Variants in ADAMTS3 observed in about 807,000 individuals in gnomAD.
ADAMTS3 encodes A disintegrin and metalloproteinase with thrombospondin motifs 3.
In ADAMTS3, 73 loss-of-function variants were observed where a neutral mutation model predicts 129.0. The observed-to-expected ratio is 0.57, with a 90% CI of 0.47 to 0.69. ADAMTS3 has a LOEUF of 0.69. ADAMTS3 is among the 30% of genes least tolerant of loss of function. The pLI is 0.00. For synonymous variants in ADAMTS3, 477 were observed against 510.8 expected (o/e 0.93, Z 0.89); for missense variants, 1,457 against 1,514.5 (o/e 0.96, Z 0.63).
chr4:72,477,736 A>C (rs1719282813), intron 3 of ADAMTS3, among the ~76,000 whole-genome samples: 1 of 152,146 alleles, frequency 6.6e-6, no homozygotes, highest in African/African-American at 2.4e-5. Flanking sequence ...CCCTTCAAAA[A>C]ATCAATGAAT....
chr4:72,368,196 A>G (rs1385519131), intron 4 of ADAMTS3, among the ~76,000 whole-genome samples: 2 of 152,224 alleles, frequency 1.3e-5, no homozygotes, highest in African/African-American at 4.8e-5. Flanking sequence ...GCTTTAATAA[A>G]TTACAAAATT....
chr4:72,395,256 T>C (rs573754110), intron 4 of ADAMTS3, among the ~76,000 whole-genome samples: 2 of 152,116 alleles, frequency 1.3e-5, no homozygotes, highest in Non-Finnish European at 2.9e-5. Flanking sequence ...CTAAAGAATA[T>C]CAAATAGTTT....
chr4:72,340,894 G>T (rs548636738), intron 4 of ADAMTS3, among the ~76,000 whole-genome samples: 1 of 152,228 alleles, frequency 6.6e-6, no homozygotes, highest in East Asian at 1.9e-4. Flanking sequence ...ATAGAACTCA[G>T]AAAGGATTTT....
chr4:72,298,943 A>C (rs1467202662), intron 17 of ADAMTS3, among the ~76,000 whole-genome samples: 3 of 151,974 alleles, frequency 2.0e-5, no homozygotes, highest in Non-Finnish European at 2.9e-5. Context: ...CCCTCCAGAA[A>C]ATATATACAT....
rs900577028 is a variant in ADAMTS3, at chr4:72,333,669, C to G, written c.861+5825G>C. Among the ~76,000 whole-genome samples the G allele has an allele frequency of 2.0e-5, 3 of 152,050 alleles. No individual in the cohort carries two copies. The South Asian group carries it at 6.2e-4, about 32-fold the overall frequency. On this transcript the variant is annotated intron_variant, in intron 5 of 21. Transcript: ENST00000286657. ...ACCTGAAAGATGCTTGCCTTCTTCTCCTAGCTCTGCCTGACTCCTTACACA... is the reference window on the plus strand; with the variant it reads ...ACCTGAAAGATGCTTGCCTTCTTCTGCTAGCTCTGCCTGACTCCTTACACA...
At chr4:72,567,722 A>T (rs770680955) in intron 1 of ADAMTS3, among the ~76,000 whole-genome samples, 8 of 152,262 alleles carry the variant, frequency 5.3e-5, no homozygotes, top group Non-Finnish European at 8.8e-5. Context: ...GTATGAATTT[A>T]ACAGGCCAAA....
At chr4:72,414,698 T>A (rs1344067334) in intron 4 of ADAMTS3, 117 bp downstream of exon 4, 4 of 779,128 alleles carry the variant, frequency 5.1e-6, no homozygotes, top group Non-Finnish European at 7.3e-6. Flanking sequence ...AACTTCTTTT[T>A]CTATCTCCGC....
chr4:72,360,650 G>T (rs540645692), intron 4 of ADAMTS3, among the ~76,000 whole-genome samples: 186 of 151,894 alleles, frequency 1.2e-3, no homozygotes, highest in Non-Finnish European at 2.4e-3. Flanking sequence ...ATACGAAAAG[G>T]TACTGCAACA....
At chr4:72,476,456 G>A (rs113606963) in intron 3 of ADAMTS3, among the ~76,000 whole-genome samples, 3 of 152,058 alleles carry the variant, frequency 2.0e-5, no homozygotes, top group African/African-American at 7.2e-5. Context: ...TAACCAATAA[G>A]GTAATTAAAT....
At position 72,306,120 on chromosome 4, in the gene ADAMTS3, A is replaced by G. The variant is rs1217510917; in HGVS notation, c.2180-53T>C. The G allele has an allele frequency of 2.1e-6, 3 of 1,412,176 alleles. No individual in the cohort carries two copies. The African/African-American group carries it at 4.4e-5, about 21-fold the overall frequency. 87.5% of individuals were successfully genotyped at this position (1,412,176 alleles called of 1,614,324 possible). The stretch of plus-strand genomic sequence containing the variant: ...AAGCAAAGAAGAAAACAAAAGCAAC[A>G]ACCATGGTTAGTTGAGCACTACATT... On this transcript the variant is annotated intron_variant, in intron 15 of 21. Coordinates refer to ENST00000286657, the MANE Select transcript of ADAMTS3 (RefSeq NM_014243.3).
chr4:72,436,299 T>C (rs376070972), intron 3 of ADAMTS3, among the ~76,000 whole-genome samples: 1 of 151,906 alleles, frequency 6.6e-6, no homozygotes, highest in African/African-American at 2.4e-5. Context: ...ATCAAAACCA[T>C]AATGAGATAC....
intron 4 of ADAMTS3, among the ~76,000 whole-genome samples, chr4:72,406,271 C>G (rs955146639): frequency 5.3e-5 from 8 of 152,062 alleles, no homozygotes; most frequent in African/African-American, 1.9e-4. Context: ...AGATAGCCAG[C>G]CCAGCAATGC....
intron 3 of ADAMTS3, among the ~76,000 whole-genome samples, chr4:72,420,036 A>T (rs1722404496): frequency 6.6e-6 from 1 of 152,066 alleles, no homozygotes; most frequent in Non-Finnish European, 1.5e-5. Flanking sequence ...AGGGCAGGGG[A>T]GTGGGGAAAG....
chr4:72,532,548 C>T (rs1721071666), intron 3 of ADAMTS3, among the ~76,000 whole-genome samples: 1 of 151,856 alleles, frequency 6.6e-6, no homozygotes, highest in African/African-American at 2.4e-5. Flanking sequence ...TCTATCTTTA[C>T]ACTAGTTAAT....
rs751923787 is a variant in ADAMTS3 at position 72,548,682 on chromosome 4, T to C, written c.300A>G (p.Gln100=). The change falls in exon 3 of 22, where the codon CAA becomes CAG. Residue 100 remains glutamine, a synonymous_variant. Transcript: ENST00000286657. ...CCACAACAGCCCCAGGAGCTACTAGTTGAGTGTTGGGCTTTAGTCGCAGAT... is the reference window on the plus strand; with the variant it reads ...CCACAACAGCCCCAGGAGCTACTAGCTGAGTGTTGGGCTTTAGTCGCAGAT... ...DFHLRLKPNT[Q]LVAPGAVVEW... The C allele has an allele frequency of 3.7e-6, 6 of 1,614,044 alleles. No individual in the cohort carries two copies. Among genetic ancestry groups the C allele is most frequent in the Admixed American group, 1.7e-5 (1 of 59,990 alleles).
intron 3 of ADAMTS3, among the ~76,000 whole-genome samples, chr4:72,425,580 C>T (rs981128948): frequency 4.6e-5 from 7 of 152,064 alleles, no homozygotes; most frequent in Non-Finnish European, 8.8e-5. Flanking sequence ...TGAGAACATG[C>T]AGTGTTTGGT....
At chr4:72,430,777 T>C (rs1722677858) in intron 3 of ADAMTS3, among the ~76,000 whole-genome samples, 1 of 149,936 alleles carries the variant, frequency 6.7e-6, no homozygotes, top group South Asian at 2.1e-4. Context: ...CAAAGCTGTG[T>C]GGTTAAGAAA....
At chr4:72,299,447 G>C (rs1718897329) in intron 17 of ADAMTS3, among the ~76,000 whole-genome samples, 1 of 152,028 alleles carries the variant, frequency 6.6e-6, no homozygotes, top group African/African-American at 2.4e-5. Flanking sequence ...ATAAGTGTGT[G>C]GTAACTCTTC....
In ADAMTS3 at chr4:72,319,580, G is replaced by A; in HGVS notation, c.1209-105C>T. 5 of 1,369,226 alleles carry A rather than the reference G, an allele frequency of 3.7e-6. No individual in the cohort carries two copies. The East Asian group carries it at 7.2e-5, about 20-fold the overall frequency. The allele number at this position is 1,369,226 out of a possible 1,614,324, so 84.8% of individuals were successfully genotyped here. A position where few individuals can be genotyped will look rare whatever the true frequency, so the allele number is the denominator to read the frequency against. Reference sequence around the variant, plus strand: ...GGAAATAACGTATTTTTGAGTCAACGTGGCTTTCTTGAAGAAGTCACAGAA... The same window carrying A: ...GGAAATAACGTATTTTTGAGTCAACATGGCTTTCTTGAAGAAGTCACAGAA... On this transcript the variant is annotated intron_variant, in intron 8 of 21. Transcript: ENST00000286657.
Sources: gnomAD v4.1 joint callset for allele counts (sites outside exome capture counted in the v4.1 genomes callset) on GRCh38, gnomAD v4.1.1 for gene constraint, MANE v1.5 for transcripts, NCBI Gene and HGNC (gene_info 2026-07-23, HGNC 2026-07-21) for gene names.